The following SORCS3 variants were observed in gnomAD, a reference collection of about 807,000 sequenced individuals.
SORCS3 encodes the protein sortilin related VPS10 domain containing receptor 3.
Under a neutral mutation model 146.3 loss-of-function variants are expected in SORCS3, and 57 were observed. The ratio of observed to expected loss-of-function variants is 0.39; its 90% CI spans 0.31 to 0.49. The LOEUF (loss-of-function observed/expected upper bound fraction) is 0.49, where lower values mean the gene tolerates loss of function less well. Among genes scored for constraint, SORCS3 ranks in the 20% least tolerant of loss-of-function variants. The pLI, the probability that SORCS3 is intolerant of heterozygous loss-of-function variation, is 0.92. For synonymous variants in SORCS3, 653 were observed against 618.5 expected (o/e 1.06, Z -0.83); for missense variants, 1,341 against 1,575.5 (o/e 0.85, Z 2.52).
At chr10:104,883,309 T>A (rs1388999066) in intron 2 of SORCS3, among the ~76,000 whole-genome samples, 1 of 152,160 alleles carries the variant, frequency 6.6e-6, no homozygotes, top group Non-Finnish European at 1.5e-5. Flanking sequence ...TTAAAAACCA[T>A]CTTGGTATGA....
intron 1 of SORCS3, among the ~76,000 whole-genome samples, chr10:104,681,586 G>A (rs1425641384): frequency 6.6e-6 from 1 of 152,158 alleles, no homozygotes; most frequent in Admixed American, 6.5e-5. Flanking sequence ...GGAATCACCA[G>A]CCCTCTCTGA....
chr10:105,017,139 A>C (rs1290244367), intron 4 of SORCS3, among the ~76,000 whole-genome samples: 1 of 147,964 alleles, frequency 6.8e-6, no homozygotes, highest in Non-Finnish European at 1.5e-5. Flanking sequence ...CGTTATAATG[A>C]AGGGGATTTT....
At chr10:104,718,105 C>G (rs542589311) in intron 1 of SORCS3, among the ~76,000 whole-genome samples, 41 of 152,176 alleles carry the variant, frequency 2.7e-4, no homozygotes, top group African/African-American at 9.6e-4. Flanking sequence ...GAGATTGCAC[C>G]ACTGCATTCC....
chr10:105,066,226 T>C (rs1236077876), intron 5 of SORCS3, among the ~76,000 whole-genome samples: 1 of 152,172 alleles, frequency 6.6e-6, no homozygotes, highest in Non-Finnish European at 1.5e-5. Flanking sequence ...AAGCACGCCT[T>C]CCCCTGTCCC....
intron 1 of SORCS3, among the ~76,000 whole-genome samples, chr10:104,806,869 C>T (rs1357012875): frequency 1.3e-5 from 2 of 152,096 alleles, no homozygotes; most frequent in South Asian, 2.1e-4. Flanking sequence ...TTGTGGTTTT[C>T]ATAATGAAAC....
intron 2 of SORCS3, among the ~76,000 whole-genome samples, chr10:104,844,697 C>T (rs889042651): frequency 1.3e-5 from 2 of 152,138 alleles, no homozygotes; most frequent in Non-Finnish European, 2.9e-5. Flanking sequence ...ACAATTACTA[C>T]AAACTGAGTG....
chr10:104,804,890 C>T (rs1485509992), intron 1 of SORCS3, among the ~76,000 whole-genome samples: 1 of 152,156 alleles, frequency 6.6e-6, no homozygotes, highest in African/African-American at 2.4e-5. Context: ...AAAGGGTGGA[C>T]TCTAGCTAGA....
Position 104,641,504 on chromosome 10 carries a change from C to G in SORCS3, c.177C>G (p.Leu59=). The G allele has an allele frequency of 4.7e-6, 7 of 1,474,568 alleles. No individual in the cohort carries two copies. The highest frequency in any genetic ancestry group is 6.2e-6 in the Non-Finnish European group (7 of 1,121,300). 91.3% of individuals were successfully genotyped at this position (1,474,568 alleles called of 1,614,324 possible). A position where few individuals can be genotyped will look rare whatever the true frequency, so the allele number is the denominator to read the frequency against. ...PASRPPALSP[L]SPRAVASQWP... ...CGCGGCCACCGGCGTTGTCTCCACTCTCGCCGCGGGCAGTGGCCAGCCAGT... is the reference window on the plus strand; with the variant it reads ...CGCGGCCACCGGCGTTGTCTCCACTGTCGCCGCGGGCAGTGGCCAGCCAGT... Residue 59 remains leucine (L), a synonymous_variant, in exon 1 of 27, where the codon CTC becomes CTG. Coordinates refer to ENST00000369701, the MANE Select transcript of SORCS3 (RefSeq NM_014978.3). The surrounding 1 kb of genome is among the most constrained non-coding windows in gnomAD (Gnocchi z 6.4).
intron 1 of SORCS3, among the ~76,000 whole-genome samples, chr10:104,842,145 T>G (rs2018148399): frequency 6.6e-6 from 1 of 152,228 alleles, no homozygotes; most frequent in South Asian, 2.1e-4. Flanking sequence ...TTACTTAACA[T>G]CAACTGATGT....
At chr10:105,143,560 T>C (rs1395349782) in intron 8 of SORCS3, among the ~76,000 whole-genome samples, 1 of 152,160 alleles carries the variant, frequency 6.6e-6, no homozygotes, top group Admixed American at 6.6e-5. Context: ...TATACTCCAT[T>C]TGTTTCTTCA....
intron 3 of SORCS3, among the ~76,000 whole-genome samples, chr10:104,929,358 A>G (rs753001143): frequency 1.1e-4 from 17 of 152,214 alleles, no homozygotes; most frequent in Non-Finnish European, 1.9e-4. Context: ...TAGGCACTCC[A>G]TATCAATGTA....
intron 6 of SORCS3, among the ~76,000 whole-genome samples, chr10:105,101,355 C>A (rs2055783301): frequency 6.6e-6 from 1 of 152,190 alleles, no homozygotes. Flanking sequence ...GCCTGCCTGA[C>A]AATTTAGTTT....
chr10:104,660,460 C>T (rs140723182), intron 1 of SORCS3, among the ~76,000 whole-genome samples: 1 of 152,306 alleles, frequency 6.6e-6, no homozygotes, highest in East Asian at 1.9e-4. Flanking sequence ...AGTCCCTTCT[C>T]AGGTATGGGG....
intron 20 of SORCS3, among the ~76,000 whole-genome samples, chr10:105,231,567 GA>G (rs1479259990): frequency 1.3e-5 from 2 of 152,310 alleles, no homozygotes; most frequent in Non-Finnish European, 2.9e-5. Flanking sequence ...AAGAAGTGGT[GA>G]GAGGGAACGT....
At chr10:105,200,575 T>A (rs538837330) in intron 15 of SORCS3, among the ~76,000 whole-genome samples, 3 of 152,184 alleles carry the variant, frequency 2.0e-5, no homozygotes, top group Non-Finnish European at 2.9e-5. Flanking sequence ...AGATATTTAC[T>A]GCTGTGAGAA....
chr10:105,012,649 C>T (rs74155087), intron 4 of SORCS3, among the ~76,000 whole-genome samples: 2,262 of 152,222 alleles, frequency 0.015, 51 homozygotes, highest in African/African-American at 0.051. Context: ...TTCGTTTTCT[C>T]CCTCCACACA....
At chr10:105,000,445 C>G (rs1169522822) in intron 4 of SORCS3, among the ~76,000 whole-genome samples, 1 of 151,988 alleles carries the variant, frequency 6.6e-6, no homozygotes, top group Non-Finnish European at 1.5e-5. Context: ...GTAGAATATT[C>G]CCCACCGGTG....
intron 1 of SORCS3, among the ~76,000 whole-genome samples, chr10:104,805,515 G>A (rs1453368139): frequency 6.6e-6 from 1 of 152,174 alleles, no homozygotes; most frequent in Non-Finnish European, 1.5e-5. Flanking sequence ...CATGAAATTG[G>A]AGGTGGGGCC....
intron 2 of SORCS3, among the ~76,000 whole-genome samples, chr10:104,894,411 G>A (rs1365323034): frequency 6.6e-6 from 1 of 152,208 alleles, no homozygotes; most frequent in Non-Finnish European, 1.5e-5. Flanking sequence ...ATATTTCACA[G>A]CAAATATTGA....
Sources: allele counts gnomAD v4.1 joint callset (sites outside exome capture counted in the v4.1 genomes callset), GRCh38; gene constraint gnomAD v4.1.1; non-coding constraint Gnocchi (gnomAD v3.1); transcripts MANE v1.5; gene names NCBI Gene and HGNC (gene_info 2026-07-23, HGNC 2026-07-21).